FOXN3: variants seen among roughly 807,000 people sequenced by gnomAD.
The protein encoded by FOXN3 is forkhead box N3.
FOXN3 carries 7 observed loss-of-function variants against 38.4 expected under a neutral mutation model. The ratio of observed to expected loss-of-function variants is 0.18; its 90% CI spans 0.10 to 0.34. The LOEUF (loss-of-function observed/expected upper bound fraction) is 0.34. FOXN3 is among the 10% of genes least tolerant of loss of function. The probability of loss-of-function intolerance (pLI) is 1.00; values close to 1 mark genes in which losing one functional copy is unlikely to be tolerated. For synonymous variants in FOXN3, 230 were observed against 242.2 expected (o/e 0.95, Z 0.47); for missense variants, 456 against 613.4 (o/e 0.74, Z 2.71).
intron 3 of FOXN3, among the ~76,000 whole-genome samples, chr14:89,342,254 C>A (rs1011530586): frequency 6.6e-6 from 1 of 152,180 alleles, no homozygotes; most frequent in African/African-American, 2.4e-5. Context: ...ATTCAACTTT[C>A]AAAGTGAGTG....
chr14:89,322,702 G>A (rs1036789385), intron 3 of FOXN3, among the ~76,000 whole-genome samples: 5 of 152,164 alleles, frequency 3.3e-5, no homozygotes, highest in African/African-American at 1.2e-4. Context: ...GAATCACCAT[G>A]CTGAATACTC....
intron 4 of FOXN3, among the ~76,000 whole-genome samples, chr14:89,251,361 C>A (rs891072460): frequency 6.6e-6 from 1 of 152,338 alleles, no homozygotes; most frequent in Non-Finnish European, 1.5e-5. Context: ...TCCACCAGGT[C>A]CCCTAATTCT....
At chr14:89,238,773 C>A (rs1002954608) in intron 4 of FOXN3, among the ~76,000 whole-genome samples, 7 of 152,244 alleles carry the variant, frequency 4.6e-5, no homozygotes, top group African/African-American at 1.7e-4. Context: ...GAGCTTAAAA[C>A]CTCATAATGA....
Position 89,350,713 on chromosome 14 carries a change from G to C in FOXN3, c.639C>G (p.His213Gln). The change falls in exon 3 of 6, where the codon CAC becomes CAG. Residue 213 changes from histidine to glutamine, a missense_variant. Transcript: ENST00000557258. The part of the protein sequence containing the change: ...LKKTPYHPHP[H>Q]VFNTPPTCPQ... Reference sequence around the variant, plus strand: ...GACAGGTGGGAGGTGTATTGAACACGTGTGGGTGTGGGTGATAAGGTGTCT... The same window carrying C: ...GACAGGTGGGAGGTGTATTGAACACCTGTGGGTGTGGGTGATAAGGTGTCT... 6.2e-7 allele frequency: 1 copy of C among 1,601,008 alleles called. No individual in the cohort carries two copies. Among genetic ancestry groups the C allele is most frequent in the South Asian group, 1.1e-5 (1 of 88,968 alleles).
At chr14:89,530,643 T>C (rs903588533) in intron 1 of FOXN3, among the ~76,000 whole-genome samples, 3 of 151,940 alleles carry the variant, frequency 2.0e-5, no homozygotes, top group Non-Finnish European at 4.4e-5. Flanking sequence ...AGAGTCTCAA[T>C]CTATTGCCCA....
intron 1 of FOXN3, among the ~76,000 whole-genome samples, chr14:89,471,509 A>C (rs1893094421): frequency 6.6e-6 from 1 of 152,132 alleles, no homozygotes; most frequent in African/African-American, 2.4e-5. Flanking sequence ...ACTTGAGCCT[A>C]GGAGGCTGAG....
At chr14:89,389,514 C>G (rs189949663) in intron 2 of FOXN3, among the ~76,000 whole-genome samples, 1 of 152,200 alleles carries the variant, frequency 6.6e-6, no homozygotes, top group Non-Finnish European at 1.5e-5. Flanking sequence ...GAGAATTACG[C>G]TCTTTCTAAC....
chr14:89,424,087 C>T (rs990476681), intron 1 of FOXN3, among the ~76,000 whole-genome samples: 6 of 152,238 alleles, frequency 3.9e-5, no homozygotes, highest in Admixed American at 1.3e-4. Flanking sequence ...TTTGCTGGGA[C>T]GTTGTTTAAA....
chr14:89,241,447 A>G (rs1289366269), intron 4 of FOXN3, among the ~76,000 whole-genome samples: 1 of 152,106 alleles, frequency 6.6e-6, no homozygotes, highest in Non-Finnish European at 1.5e-5. Flanking sequence ...TGAGACAGAC[A>G]CACGTGGGTT....
intron 4 of FOXN3, among the ~76,000 whole-genome samples, chr14:89,234,001 G>C (rs12434418): frequency 0.011 from 1,643 of 151,944 alleles, 28 homozygotes; most frequent in African/African-American, 0.038. Flanking sequence ...TCTGTCCCTC[G>C]TGTAGATCCC....
rs192404518 is a variant in FOXN3, at chr14:89,598,139, G to A, written c.-15+20889C>T. Among the ~76,000 whole-genome samples the A allele has an allele frequency of 3.3e-5, 5 of 151,914 alleles. No homozygotes were observed. The East Asian group carries it at 5.8e-4, about 18-fold the overall frequency. ...AACTTATCAATGACAACACAACTTC[G>A]TTATCACTTCCTGTACACTACAAGG... On this transcript the variant is annotated intron_variant, in intron 1 of 6. Coordinates refer to the FOXN3 transcript ENST00000345097.
intron 2 of FOXN3, among the ~76,000 whole-genome samples, chr14:89,390,484 GC>G (rs1383962052): frequency 7.7e-6 from 1 of 129,928 alleles, no homozygotes; most frequent in African/African-American, 2.8e-5. Context: ...TCTCTAAGCT[GC>G]TTTTTAAAAA....
In FOXN3 at chr14:89,543,228, T is replaced by C. The variant is rs115842670; in HGVS notation, c.-15+75800A>G. On this transcript the variant is annotated intron_variant, in intron 1 of 6. Coordinates refer to the FOXN3 transcript ENST00000345097. ...ATGGGGGCAAATGAGGTCAGTCTTC[T>C]CTGCTCCCCCTTCAACTTGGATGCT... Among the ~76,000 whole-genome samples the C allele has an allele frequency of 8.1e-4, 123 of 152,330 alleles. 1 individual carries two copies. Among genetic ancestry groups the C allele is most frequent in the African/African-American group, 2.8e-3 (115 of 41,568 alleles).
chr14:89,292,271 T>C (rs1886898260), intron 3 of FOXN3, among the ~76,000 whole-genome samples: 1 of 152,190 alleles, frequency 6.6e-6, no homozygotes, highest in Non-Finnish European at 1.5e-5. Flanking sequence ...ATCTTAGCCA[T>C]CGCCACACAT....
At chr14:89,460,010 G>A (rs1892808875) in intron 1 of FOXN3, among the ~76,000 whole-genome samples, 1 of 152,182 alleles carries the variant, frequency 6.6e-6, no homozygotes, top group African/African-American at 2.4e-5. Context: ...TGGAAGTCTG[G>A]TCCCTGCTGG....
chr14:89,230,957 G>A lies in FOXN3; in HGVS notation c.745+49993C>T, dbSNP rs76749629. 1,929 of 444,866 alleles carry A rather than the reference G, an allele frequency of 4.3e-3. 27 individuals are homozygous for A. Among genetic ancestry groups the A allele is most frequent in the African/African-American group, 0.036 (1,778 of 49,694 alleles). The allele number at this position is 444,866 out of a possible 1,614,324, so 27.6% of individuals were successfully genotyped here. On this transcript the variant is annotated intron_variant, in intron 4 of 5. Coordinates refer to ENST00000557258, the MANE Select transcript of FOXN3 (RefSeq NM_005197.4). ...AACCCTGTGATAAATCCCCCATGGC[G>A]TCTACTGGAGTAGCACATAGCCACT...
At chr14:89,231,980 G>C (rs1221696081) in intron 4 of FOXN3, among the ~76,000 whole-genome samples, 1 of 152,336 alleles carries the variant, frequency 6.6e-6, no homozygotes, top group Non-Finnish European at 1.5e-5. Flanking sequence ...CTGCTTCAGG[G>C]ACAGGTAAGC....
intron 1 of FOXN3, among the ~76,000 whole-genome samples, chr14:89,593,164 G>A (rs1415141068): frequency 7.0e-6 from 1 of 143,690 alleles, no homozygotes; most frequent in Non-Finnish European, 1.5e-5. Context: ...AAAGAAAGCA[G>A]AGAAGGAAGG....
At chr14:89,413,426 G>C (rs1891596849) in intron 1 of FOXN3, among the ~76,000 whole-genome samples, 2 of 151,732 alleles carry the variant, frequency 1.3e-5, no homozygotes, top group African/African-American at 4.8e-5. Context: ...TTGAGCCCAG[G>C]GGTTTGAGAC....
Sources: allele counts gnomAD v4.1 joint callset (sites outside exome capture counted in the v4.1 genomes callset), GRCh38; gene constraint gnomAD v4.1.1; transcripts MANE v1.5; gene names NCBI Gene and HGNC (gene_info 2026-07-23, HGNC 2026-07-21).